Variants in PDE2A observed in about 807,000 individuals in gnomAD.
The protein encoded by PDE2A is phosphodiesterase 2A.
In PDE2A, 53 loss-of-function variants were observed where a neutral mutation model predicts 133.6. The ratio of observed to expected loss-of-function variants is 0.40; its 90% CI spans 0.32 to 0.50. The LOEUF (loss-of-function observed/expected upper bound fraction) is 0.50. PDE2A is among the 20% of genes least tolerant of loss of function. The pLI is 0.73. For synonymous variants in PDE2A, 491 were observed against 490.2 expected, an observed-to-expected ratio of 1.00 and a Z score of -0.02; for missense variants, 796 against 1,232.4, an observed-to-expected ratio of 0.65 and a Z score of 5.30.
At chr11:72,672,830 G>C (rs1018064773) in intron 1 of PDE2A, among the ~76,000 whole-genome samples, 1 of 152,068 alleles carries the variant, frequency 6.6e-6, no homozygotes, top group African/African-American at 2.4e-5. Context: ...TTCCCACAGG[G>C]TGTAGAATGA....
At chr11:72,643,883 C>G (rs933629074) in intron 1 of PDE2A, among the ~76,000 whole-genome samples, 2 of 152,166 alleles carry the variant, frequency 1.3e-5, no homozygotes, top group Non-Finnish European at 2.9e-5. Context: ...TGCTCTCCCC[C>G]ACTCACCCTC....
intron 2 of PDE2A, among the ~76,000 whole-genome samples, chr11:72,627,859 C>A (rs1209482734): frequency 1.3e-5 from 2 of 152,240 alleles, no homozygotes; most frequent in Non-Finnish European, 1.5e-5. Context: ...ACTTGAACTG[C>A]CCCAGACCTG....
intron 2 of PDE2A, among the ~76,000 whole-genome samples, chr11:72,615,836 T>G (rs574575874): frequency 4.6e-5 from 7 of 152,248 alleles, no homozygotes; most frequent in African/African-American, 1.7e-4. Flanking sequence ...ACACTGTGAA[T>G]CAGAGTCGCG....
At chr11:72,659,968 G>T (rs903578688) in intron 1 of PDE2A, among the ~76,000 whole-genome samples, 5 of 152,178 alleles carry the variant, frequency 3.3e-5, no homozygotes, top group African/African-American at 1.2e-4. Flanking sequence ...AGGGTCAGCA[G>T]TTCCCTGGCA....
chr11:72,616,538 G>A (rs1857483247), intron 2 of PDE2A, among the ~76,000 whole-genome samples: 1 of 152,238 alleles, frequency 6.6e-6, no homozygotes, highest in African/African-American at 2.4e-5. Flanking sequence ...CTACTGTACT[G>A]TGAGGGCTAC....
intron 20 of PDE2A, among the ~76,000 whole-genome samples, 172 bp from the exon 21 acceptor site, chr11:72,582,738 G>T (rs2135279552): frequency 6.6e-6 from 1 of 152,190 alleles, no homozygotes; most frequent in Non-Finnish European, 1.5e-5. Flanking sequence ...TCACAGCCCT[G>T]CAGCCCACCC....
At chr11:72,621,088 A>G (rs1346621839) in intron 2 of PDE2A, among the ~76,000 whole-genome samples, 2 of 152,106 alleles carry the variant, frequency 1.3e-5, no homozygotes, top group African/African-American at 2.4e-5. Context: ...TTTATACTTG[A>G]GGAAATTGAG....
chr11:72,674,015 A>C, intron 1 of PDE2A, 122 bp downstream of exon 1: 1 of 947,682 alleles, frequency 1.1e-6, no homozygotes, highest in Non-Finnish European at 1.6e-6. Context: ...GCCCAGGAAC[A>C]GGATCGATCC....
chr11:72,648,586 T>TGCA (rs1311396207), intron 1 of PDE2A, among the ~76,000 whole-genome samples: 1 of 152,262 alleles, frequency 6.6e-6, no homozygotes, highest in East Asian at 1.9e-4. Context: ...TTGTCTTGTC[T>TGCA]GCAGCAGATG....
chr11:72,590,193 T>C lies in PDE2A; in HGVS notation c.755A>G (p.Tyr252Cys). The change falls in exon 9 of 31, where the codon TAC becomes TGC. Residue 252 changes from tyrosine to cysteine, a missense_variant and splice_region_variant. By Grantham distance (194) the Tyr-to-Cys change is radical (BLOSUM62 -2). Transcript: ENST00000334456. This position sits in a 1 kb window ranked among gnomAD's most constrained non-coding sequence, Gnocchi z 4.8. ...GCCGGCAGGGGCGCAGGGACTCACG[T>C]ATTGGAGCACTTTGAGCTGCAGGGA... ...ASSLQLKVLQ[Y>C]LQQETRASRC... 6.4e-7 allele frequency: 1 copy of C among 1,550,490 alleles called. No individual in the cohort carries two copies. Among genetic ancestry groups the C allele is most frequent in the Non-Finnish European group, 8.7e-7 (1 of 1,146,054 alleles).
intron 2 of PDE2A, among the ~76,000 whole-genome samples, chr11:72,622,710 C>A (rs1166910193): frequency 6.6e-6 from 1 of 152,120 alleles, no homozygotes; most frequent in Non-Finnish European, 1.5e-5. Context: ...AGGATGGGGG[C>A]TGTCGTTTAA....
rs117855164 is a variant in PDE2A, at chr11:72,632,641, C to T, written c.144+9613G>A. On this transcript the variant is annotated intron_variant, in intron 2 of 30. Transcript: ENST00000334456. ...AGATAAGTGCCTGACCCAGGGCTGT[C>T]CCTTTTATCCACAAAGCCTGAGTCT... Among the ~76,000 whole-genome samples the T allele has an allele frequency of 7.3e-3, 1,115 of 152,254 alleles. 9 individuals carry two copies. Among genetic ancestry groups the T allele is most frequent in the Non-Finnish European group, 0.012 (830 of 67,986 alleles).
At chr11:72,641,539 A>G (rs754493783) in intron 2 of PDE2A, among the ~76,000 whole-genome samples, 1 of 152,228 alleles carries the variant, frequency 6.6e-6, no homozygotes, top group Non-Finnish European at 1.5e-5. Flanking sequence ...GAGCCCAGAA[A>G]TACTTGAAGA....
chr11:72,672,927 A>G (rs1417509750), intron 1 of PDE2A, among the ~76,000 whole-genome samples: 1 of 151,980 alleles, frequency 6.6e-6, no homozygotes, highest in African/African-American at 2.4e-5. Flanking sequence ...TGTATCCTCA[A>G]TTGCCAGGGG....
At chr11:72,583,677 C>T (rs1410794418) in intron 19 of PDE2A, 162 bp from the exon 20 acceptor site, 17 of 529,148 alleles carry the variant, frequency 3.2e-5, no homozygotes, top group Non-Finnish European at 5.5e-5. Flanking sequence ...ACCCCACCCC[C>T]ACTTTCATCC....
chr11:72,632,799 G>A (rs1858475394), intron 2 of PDE2A, among the ~76,000 whole-genome samples: 1 of 151,720 alleles, frequency 6.6e-6, no homozygotes, highest in African/African-American at 2.4e-5. Context: ...CCACCCCCAG[G>A]ACAGGTTCCC....
At position 72,590,113 on chromosome 11, in the gene PDE2A, A is replaced by C; in HGVS notation, c.756+79T>G. ...AGGAAGGACATCGTAATTGGAACTG[A>C]GATGGAGGGCTCAAGGGGAAGTTGG... On this transcript the variant is annotated intron_variant, in intron 9 of 30. Coordinates refer to ENST00000334456, the MANE Select transcript of PDE2A (RefSeq NM_002599.5). The surrounding 1 kb of genome is among the most constrained non-coding windows in gnomAD (Gnocchi z 4.8). The C allele has an allele frequency of 7.0e-7, 1 of 1,420,062 alleles. No homozygotes were observed. Among genetic ancestry groups the C allele is most frequent in the Non-Finnish European group, 9.7e-7 (1 of 1,032,844 alleles). The allele number at this position is 1,420,062 out of a possible 1,614,324, so 88.0% of individuals were successfully genotyped here.
chr11:72,577,712 C>T, intron 30 of PDE2A, 118 bp from the exon 31 acceptor site: 1 of 713,394 alleles, frequency 1.4e-6, no homozygotes, highest in Non-Finnish European at 2.4e-6. Flanking sequence ...GTAGCTCACG[C>T]CTGTAATCCC....
At chr11:72,602,999 G>C (rs1591054151) in intron 4 of PDE2A, among the ~76,000 whole-genome samples, 2 of 152,338 alleles carry the variant, frequency 1.3e-5, no homozygotes, top group South Asian at 4.1e-4. Flanking sequence ...ATACCAGAGA[G>C]AGCACTGGGC....
Sources: gnomAD v4.1 joint callset for allele counts (sites outside exome capture counted in the v4.1 genomes callset) on GRCh38, gnomAD v4.1.1 for gene constraint, Gnocchi (gnomAD v3.1) non-coding constraint, MANE v1.5 for transcripts, NCBI Gene and HGNC (gene_info 2026-07-23, HGNC 2026-07-21) for gene names.